PCDH11X: variants seen among roughly 807,000 people sequenced by gnomAD.
PCDH11X encodes the protein protocadherin-11 X-linked.
In PCDH11X, 18 loss-of-function variants were observed where a neutral mutation model predicts 53.3. That is an observed-to-expected ratio of 0.34 (90% CI 0.23 to 0.50). PCDH11X has a LOEUF of 0.50. Ranked by LOEUF, PCDH11X falls within the 20% of genes least tolerant of loss-of-function variation. The pLI is 0.98. For missense variants in PCDH11X, 570 were observed against 1,032.4 expected (o/e 0.55, Z 6.14); for synonymous variants, 279 against 393.3 (o/e 0.71, Z 3.44).
In PCDH11X at chrX:92,015,837, T is replaced by C. The variant is rs189745272; in HGVS notation, c.3033+136564T>C. Among the ~76,000 whole-genome samples, 645 of 111,999 alleles carry C rather than the reference T, an allele frequency of 5.8e-3. 10 individuals are homozygous for C. Among genetic ancestry groups the C allele is most frequent in the African/African-American group, 0.02 (604 of 30,882 alleles). On this transcript the variant is annotated intron_variant, in intron 6 of 10. Transcript: ENST00000682573. The stretch of plus-strand genomic sequence containing the variant: ...GACCTCCTCCCATGAATCATGAATG[T>C]TCTTCATGGGATTTAGAATGATGAA...
At chrX:92,266,889 C>T (rs959075996) in intron 8 of PCDH11X, among the ~76,000 whole-genome samples, 16 of 109,477 alleles carry the variant, frequency 1.5e-4, no homozygotes, top group African/African-American at 2.0e-4. Flanking sequence ...GGATTACAGG[C>T]GCCTGCCACC....
In PCDH11X at chrX:92,569,267, G is replaced by T. The variant is rs193128161; in HGVS notation, c.3368-48997G>T. On this transcript the variant is annotated intron_variant, in intron 10 of 10. Transcript: ENST00000682573. ...TCAGTTTCTTCATTAAATACTTGATGAGTATTTGAATTAAAGTAACAATAC... is the reference window on the plus strand; with the variant it reads ...TCAGTTTCTTCATTAAATACTTGATTAGTATTTGAATTAAAGTAACAATAC... Among the ~76,000 whole-genome samples the T allele has an allele frequency of 5.9e-4, 66 of 110,933 alleles. No homozygotes were observed. The South Asian group carries it at 8.8e-3, about 15-fold the overall frequency.
intron 6 of PCDH11X, among the ~76,000 whole-genome samples, chrX:91,953,784 G>A (rs2061673260): frequency 9.1e-6 from 1 of 109,558 alleles, no homozygotes; most frequent in South Asian, 3.9e-4. Flanking sequence ...TAGAAGTGAG[G>A]TCTAGAAGTC....
At chrX:92,396,525 A>G (rs2071249456) in intron 9 of PCDH11X, among the ~76,000 whole-genome samples, 1 of 98,403 alleles carries the variant, frequency 1.0e-5, no homozygotes. Flanking sequence ...TAACTTTTAT[A>G]GTTATATAAA....
chrX:92,198,126 T>G (rs2066322369), intron 6 of PCDH11X, among the ~76,000 whole-genome samples: 1 of 108,060 alleles, frequency 9.3e-6, no homozygotes, highest in South Asian at 4.1e-4. Flanking sequence ...CCGGGTGAGA[T>G]GGCTCACACC....
intron 6 of PCDH11X, among the ~76,000 whole-genome samples, chrX:91,988,395 C>T (rs1265062422): frequency 8.9e-6 from 1 of 112,298 alleles, no homozygotes; most frequent in Non-Finnish European, 1.9e-5. Context: ...ATATTGTTAA[C>T]TTAATGTGTC....
intron 6 of PCDH11X, chrX:92,113,691 C>T (rs1485805632): frequency 8.3e-7 from 1 of 1,203,115 alleles, no homozygotes; most frequent in Non-Finnish European, 1.1e-6. Context: ...CCAGCTTCCA[C>T]TCCTCTCGTT....
intron 7 of PCDH11X, among the ~76,000 whole-genome samples, chrX:92,212,639 C>T (rs765126090): frequency 9.8e-5 from 11 of 112,238 alleles, no homozygotes; most frequent in Admixed American, 2.8e-4. Context: ...CGTGAGCCAC[C>T]GCACCTGGCC....
At chrX:91,839,273 C>T (rs977692244) in intron 5 of PCDH11X, among the ~76,000 whole-genome samples, 1 of 109,282 alleles carries the variant, frequency 9.2e-6, no homozygotes, top group African/African-American at 3.3e-5. Flanking sequence ...AGATAACCTT[C>T]AGAGCAGGAT....
At chrX:91,891,625 G>T (rs1352152141) in intron 6 of PCDH11X, among the ~76,000 whole-genome samples, 2 of 106,142 alleles carry the variant, frequency 1.9e-5, no homozygotes, top group Non-Finnish European at 3.8e-5. Context: ...TATCATTTAT[G>T]AACCACTGTA....
chrX:92,349,731 A>G, intron 8 of PCDH11X, among the ~76,000 whole-genome samples: 1 of 111,396 alleles, frequency 9.0e-6, no homozygotes, highest in Non-Finnish European at 1.9e-5. Context: ...GCATACAGTC[A>G]TTCAGTTTTC....
intron 9 of PCDH11X, among the ~76,000 whole-genome samples, chrX:92,399,964 G>A (rs2071349632): frequency 9.4e-6 from 1 of 106,252 alleles, no homozygotes; most frequent in Non-Finnish European, 1.9e-5. Flanking sequence ...TGTTAGCCAG[G>A]ATGGTTTCGA....
At chrX:92,305,459 G>T (rs2068805902) in intron 8 of PCDH11X, among the ~76,000 whole-genome samples, 1 of 108,901 alleles carries the variant, frequency 9.2e-6, no homozygotes, top group Admixed American at 9.9e-5. Context: ...AGAGATATCT[G>T]GTGTCTCTTC....
chrX:91,822,486 T>C (rs1307968092), intron 4 of PCDH11X, among the ~76,000 whole-genome samples: 1 of 111,544 alleles, frequency 9.0e-6, no homozygotes, highest in Non-Finnish European at 1.9e-5. Context: ...TATTCTCTGA[T>C]GGTAGTTTGT....
chrX:91,792,544 G>A (rs1935589668), intron 1 of PCDH11X, among the ~76,000 whole-genome samples: 1 of 110,787 alleles, frequency 9.0e-6, no homozygotes, highest in Admixed American at 9.6e-5. Flanking sequence ...AGACAATACT[G>A]TATAATACAT....
chrX:91,995,846 C>CTT (rs1216982938), intron 6 of PCDH11X, among the ~76,000 whole-genome samples: 1 of 103,446 alleles, frequency 9.7e-6, no homozygotes, highest in South Asian at 4.1e-4. Context: ...GTATTATCTT[C>CTT]TTTTTGTTTT....
At chrX:92,066,084 T>G (rs1197301128) in intron 6 of PCDH11X, among the ~76,000 whole-genome samples, 11 of 101,637 alleles carry the variant, frequency 1.1e-4, no homozygotes, top group Admixed American at 6.7e-4. Context: ...TATCCAGTTT[T>G]TCCAGCATCA....
intron 7 of PCDH11X, among the ~76,000 whole-genome samples, chrX:92,225,375 A>C (rs1413423928): frequency 1.8e-5 from 2 of 110,440 alleles, no homozygotes; most frequent in East Asian, 2.8e-4. Context: ...GTTTGTGCTA[A>C]GTCCTGAGGA....
Position 92,496,435 on chromosome X carries a change from G to A in PCDH11X, c.3367+28113G>A, listed in dbSNP as rs1229129664. ...TAGGCCATCTAGGAATTAATCGTTGGAGGAAAAGTAACTCTTAGGTTTTAG... is the reference window on the plus strand; with the variant it reads ...TAGGCCATCTAGGAATTAATCGTTGAAGGAAAAGTAACTCTTAGGTTTTAG... On this transcript the variant is annotated intron_variant, in intron 10 of 10. Coordinates refer to ENST00000682573, the MANE Select transcript of PCDH11X (RefSeq NM_032968.5). Among the ~76,000 whole-genome samples the A allele has an allele frequency of 1.9e-5, 2 of 107,606 alleles. 1 individual carries two copies. The highest frequency in any genetic ancestry group is 7.3e-5 in the African/African-American group (2 of 27,535). 93.4% of individuals were successfully genotyped at this position (107,606 alleles called of 115,157 possible).
Sources: allele counts gnomAD v4.1 joint callset (sites outside exome capture counted in the v4.1 genomes callset), GRCh38; gene constraint gnomAD v4.1.1; transcripts MANE v1.5; gene names NCBI Gene and HGNC (gene_info 2026-07-23, HGNC 2026-07-21).